The following PDXDC1 variants were observed in gnomAD, a reference collection of about 807,000 sequenced individuals.
PDXDC1 encodes the protein pyridoxal dependent decarboxylase domain containing 1, also known as pyridoxal-dependent decarboxylase domain-containing protein 1.
A neutral mutation model predicts 100.1 loss-of-function variants in PDXDC1; 42 were observed. The ratio of observed to expected loss-of-function variants is 0.42; its 90% CI spans 0.33 to 0.54. PDXDC1 has a LOEUF of 0.54. Among genes scored for constraint, PDXDC1 ranks in the 20% least tolerant of loss-of-function variants. PDXDC1 has a pLI of 0.10. For synonymous variants in PDXDC1, 260 were observed against 371.7 expected (o/e 0.70, Z 3.46); for missense variants, 636 against 979.2 (o/e 0.65, Z 4.68).
chr16:15,079,973 T>C (rs1161157182), intron 16 of PDXDC1: 5 of 1,564,478 alleles, frequency 3.2e-6, no homozygotes, highest in Non-Finnish European at 1.7e-6. Flanking sequence ...TAAATGAAAA[T>C]AAAAATAGAT....
chr16:15,141,853 G>A (rs1598293930), downstream of PDXDC1, among the ~76,000 whole-genome samples: 2 of 152,322 alleles, frequency 1.3e-5, no homozygotes, highest in Non-Finnish European at 1.5e-5. Flanking sequence ...CACCATGCCC[G>A]AGGGGGAACA....
At chr16:15,032,741 A>C (rs2043144589) in intron 17 of PDXDC1, 120 bp from the exon 18 acceptor site, 1 of 662,512 alleles carries the variant, frequency 1.5e-6, no homozygotes, top group African/African-American at 1.8e-5. Context: ...CACTCGCAGT[A>C]GCTCTTTTGC....
the PDXDC1 span, among the ~76,000 whole-genome samples, chr16:15,149,810 G>T: frequency 6.6e-6 from 1 of 151,956 alleles, no homozygotes; most frequent in African/African-American, 2.4e-5. Context: ...TTAGAGCAGG[G>T]GGCCCTGAGC....
chr16:15,111,208 G>C (rs1448908185), intron 16 of PDXDC1, among the ~76,000 whole-genome samples: 1 of 148,918 alleles, frequency 6.7e-6, no homozygotes, highest in African/African-American at 2.4e-5. Context: ...CGTAATCCCA[G>C]CACTTTGGGA....
chr16:15,101,943 G>A (rs1208002694), intron 16 of PDXDC1, among the ~76,000 whole-genome samples: 1 of 152,100 alleles, frequency 6.6e-6, no homozygotes. Context: ...CCACCTCCTG[G>A]GTTCAAGCGA....
downstream of PDXDC1, among the ~76,000 whole-genome samples, chr16:15,042,054 T>A (rs1326854059): frequency 1.3e-5 from 2 of 152,198 alleles, no homozygotes; most frequent in African/African-American, 2.4e-5. Flanking sequence ...CTGTAACAGA[T>A]CTGAAAAATA....
intron 16 of PDXDC1, chr16:15,092,394 T>G (rs2046170172): frequency 4.3e-6 from 3 of 699,984 alleles, no homozygotes; most frequent in Non-Finnish European, 7.7e-6. Flanking sequence ...TATTAAATAT[T>G]TGATTTCAAC....
At chr16:15,033,526 T>G in intron 19 of PDXDC1, 127 bp downstream of exon 19, 1 of 1,110,674 alleles carries the variant, frequency 9.0e-7, no homozygotes, top group Non-Finnish European at 1.3e-6. Flanking sequence ...CAATGTTTCC[T>G]GTAAGCTGGG....
In PDXDC1 at chr16:15,033,333, C is replaced by G; in HGVS notation, c.1746C>G (p.Asn582Lys). 1 of 1,614,180 alleles carries G rather than the reference C, an allele frequency of 6.2e-7. No homozygotes were observed. The highest frequency in any genetic ancestry group is 1.6e-4 in the Middle Eastern group (1 of 6,062). ...SCLYVGMASD[N>K]VDAAELVETI... The stretch of plus-strand genomic sequence containing the variant: ...TTTATGTCGGCATGGCGAGCGACAA[C>G]GTCGATGCTGCTGAGCTCGTGGAGA... Residue 582 changes from asparagine to lysine, a missense_variant, in exon 19 of 23, where the codon AAC (asparagine) becomes AAG (lysine). Around this residue, in one of 4 missense-constraint regions of PDXDC1, gnomAD observed 452 missense variants for 402.9 expected, o/e 1.12. Coordinates refer to ENST00000396410, the MANE Select transcript of PDXDC1 (RefSeq NM_015027.4).
rs1302750608 is a variant in PDXDC1 at position 15,037,158 on chromosome 16, C to G, written c.*883C>G. On this transcript the variant is annotated 3_prime_UTR_variant, in exon 23 of 23. Coordinates refer to ENST00000396410, the MANE Select transcript of PDXDC1 (RefSeq NM_015027.4). ...ACTGAAGCTTCTACTGCCCTGGCAG[C>G]TCGCCTGGGCCCAACTCAGAAACAG... The G allele has an allele frequency of 1.3e-5, 2 of 152,248 alleles. No individual in the cohort carries two copies. The highest frequency in any genetic ancestry group is 3.8e-4 in the East Asian group (2 of 5,196). 9.4% of individuals were successfully genotyped at this position (152,248 alleles called of 1,614,324 possible). A position where few individuals can be genotyped will look rare whatever the true frequency, so the allele number is the denominator to read the frequency against.
intron 12 of PDXDC1, among the ~76,000 whole-genome samples, chr16:15,019,363 A>AC (rs2042011427): frequency 6.6e-6 from 1 of 152,274 alleles, no homozygotes; most frequent in Admixed American, 6.5e-5. Context: ...TATTTTATAA[A>AC]CCAGCTGGCT....
chr16:15,116,479 C>CAA (rs1193819668), intron 16 of PDXDC1, among the ~76,000 whole-genome samples: 526 of 27,712 alleles, frequency 0.019, 8 homozygotes, highest in African/African-American at 0.022. Flanking sequence ...GACTCTGTCT[C>CAA]AAAAAAAAAA....
At chr16:15,135,130 G>A in intron 16 of PDXDC1, 1 of 684,930 alleles carries the variant, frequency 1.5e-6, no homozygotes, top group Non-Finnish European at 2.6e-6. Flanking sequence ...AAGCAAAGCT[G>A]AAGCAGGCTG....
intron 16 of PDXDC1, chr16:15,131,672 C>G (rs1289834526): frequency 6.4e-7 from 1 of 1,571,362 alleles, no homozygotes; most frequent in Non-Finnish European, 8.7e-7. Flanking sequence ...CGCTGTGGTG[C>G]CCGCACGTCT....
chr16:15,025,186 C>T (rs1334277107), intron 13 of PDXDC1: 1 of 152,348 alleles, frequency 6.6e-6, no homozygotes, highest in Admixed American at 6.5e-5. Flanking sequence ...TATCACGTTA[C>T]TAGAACCAGA....
At chr16:15,033,544 C>T (rs779728781) in intron 19 of PDXDC1, 145 bp downstream of exon 19, 3 of 952,226 alleles carry the variant, frequency 3.2e-6, no homozygotes, top group Non-Finnish European at 4.8e-6. Context: ...GGGCCTTGTG[C>T]CAGGTGTCAG....
the PDXDC1 span, among the ~76,000 whole-genome samples, chr16:15,151,867 G>A: frequency 7.6e-6 from 1 of 132,258 alleles, no homozygotes; most frequent in African/African-American, 2.6e-5. Context: ...GGAGGCGGAG[G>A]TTGCCATGAG....
intron 16 of PDXDC1, chr16:15,137,672 C>A: frequency 8.3e-7 from 1 of 1,201,826 alleles, no homozygotes; most frequent in Non-Finnish European, 1.2e-6. Context: ...GAGAGGCCTT[C>A]CTGAGCCCTG....
intron 16 of PDXDC1, among the ~76,000 whole-genome samples, chr16:15,119,381 CA>C (rs1225133820): frequency 1.5e-5 from 2 of 137,386 alleles, no homozygotes; most frequent in Non-Finnish European, 3.1e-5. Flanking sequence ...CTAACACTAA[CA>C]ATAGCTGATG....
Sources: gnomAD v4.1 joint callset for allele counts (sites outside exome capture counted in the v4.1 genomes callset) on GRCh38, gnomAD v4.1.1 for gene constraint, gnomAD v4.1.1 regional missense constraint, MANE v1.5 for transcripts, NCBI Gene and HGNC (gene_info 2026-07-23, HGNC 2026-07-21) for gene names.